Variants in ANKS1B observed in about 807,000 individuals in gnomAD.
ANKS1B encodes ankyrin repeat and sterile alpha motif domain-containing protein 1B.
ANKS1B carries 36 observed loss-of-function variants against 148.3 expected under a neutral mutation model. That is an observed-to-expected ratio of 0.24 (90% CI 0.19 to 0.32). ANKS1B has a LOEUF of 0.32. ANKS1B is among the 10% of genes least tolerant of loss of function. The probability of loss-of-function intolerance (pLI) is 1.00; values close to 1 mark genes in which losing one functional copy is unlikely to be tolerated. For synonymous variants in ANKS1B, 542 were observed against 560.8 expected, an observed-to-expected ratio of 0.97 and a Z score of 0.47; for missense variants, 1,157 against 1,542.6, an observed-to-expected ratio of 0.75 and a Z score of 4.19.
intron 8 of ANKS1B, among the ~76,000 whole-genome samples, chr12:99,682,821 G>C (rs945848468): frequency 2.5e-4 from 38 of 152,084 alleles, no homozygotes; most frequent in African/African-American, 8.2e-4. Context: ...GACATGAAAA[G>C]CTGGTTCTTG....
chr12:99,566,449 G>A (rs2097395212), intron 9 of ANKS1B, among the ~76,000 whole-genome samples: 1 of 152,120 alleles, frequency 6.6e-6, no homozygotes, highest in Non-Finnish European at 1.5e-5. Flanking sequence ...TAACAGCAGT[G>A]CTCTCAAAGT....
At chr12:99,702,681 C>T (rs1294038859) in intron 8 of ANKS1B, among the ~76,000 whole-genome samples, 6 of 144,688 alleles carry the variant, frequency 4.1e-5, no homozygotes, top group African/African-American at 1.3e-4. Context: ...TAGCTGGGAC[C>T]ATAGGCATGC....
chr12:99,064,623 T>C (rs957565864), intron 16 of ANKS1B, among the ~76,000 whole-genome samples: 2 of 152,238 alleles, frequency 1.3e-5, no homozygotes, highest in African/African-American at 4.8e-5. Context: ...TCAAGCCGTG[T>C]GTGAGAGCTA....
chr12:99,424,715 C>A (rs1257960793), intron 11 of ANKS1B, among the ~76,000 whole-genome samples: 1 of 151,756 alleles, frequency 6.6e-6, no homozygotes, highest in Non-Finnish European at 1.5e-5. Flanking sequence ...ATCTGTCTGT[C>A]TGTCTGTCTG....
At chr12:99,808,621 CT>C (rs772089365) in intron 3 of ANKS1B, among the ~76,000 whole-genome samples, 1 of 152,084 alleles carries the variant, frequency 6.6e-6, no homozygotes, top group Non-Finnish European at 1.5e-5. Flanking sequence ...CCCTGGTCTT[CT>C]TATCTGTTTT....
intron 8 of ANKS1B, among the ~76,000 whole-genome samples, chr12:99,747,266 C>G (rs572462037): frequency 2.0e-4 from 30 of 152,166 alleles, no homozygotes; most frequent in African/African-American, 7.2e-4. Context: ...TAAACTTATC[C>G]TCTTTCTAAC....
intron 12 of ANKS1B, among the ~76,000 whole-genome samples, chr12:99,331,452 A>G (rs2087540036): frequency 6.6e-6 from 1 of 151,974 alleles, no homozygotes; most frequent in Non-Finnish European, 1.5e-5. Flanking sequence ...TCTCTTCTAC[A>G]TTTGCTTTTC....
intron 15 of ANKS1B, among the ~76,000 whole-genome samples, chr12:99,132,475 C>T (rs924571469): frequency 3.5e-5 from 5 of 144,490 alleles, no homozygotes; most frequent in African/African-American, 7.9e-5. Context: ...ACCTTGTCCC[C>T]GCCTTCAAAA....
intron 17 of ANKS1B, among the ~76,000 whole-genome samples, chr12:99,027,654 G>A (rs2099949550): frequency 6.6e-6 from 1 of 152,188 alleles, no homozygotes; most frequent in Non-Finnish European, 1.5e-5. Context: ...GACTCACCCC[G>A]AAGGGTGCCA....
intron 17 of ANKS1B, among the ~76,000 whole-genome samples, chr12:98,987,669 T>C (rs2099924250): frequency 6.6e-6 from 1 of 152,112 alleles, no homozygotes; most frequent in South Asian, 2.1e-4. Context: ...CCCTGGATTA[T>C]AATGATTGAT....
At chr12:99,362,823 C>T (rs887236502) in intron 12 of ANKS1B, among the ~76,000 whole-genome samples, 48 of 152,064 alleles carry the variant, frequency 3.2e-4, no homozygotes, top group Admixed American at 1.2e-3. Context: ...CTAAAAGATA[C>T]ATTTTATCCC....
At chr12:99,037,817 G>A (rs539876349) in intron 17 of ANKS1B, among the ~76,000 whole-genome samples, 5 of 152,296 alleles carry the variant, frequency 3.3e-5, no homozygotes, top group African/African-American at 9.6e-5. Flanking sequence ...TGGGCAAGTT[G>A]TCAATCATTA....
At chr12:99,776,687 T>C (rs369830486) in intron 6 of ANKS1B, among the ~76,000 whole-genome samples, 1 of 119,780 alleles carries the variant, frequency 8.3e-6, no homozygotes, top group Non-Finnish European at 1.7e-5. Context: ...TTTTTGGTTG[T>C]TTGTTTGTTT....
intron 9 of ANKS1B, among the ~76,000 whole-genome samples, chr12:99,644,610 C>T (rs1441565298): frequency 2.0e-5 from 3 of 152,184 alleles, no homozygotes; most frequent in Admixed American, 1.3e-4. Context: ...ATTCCAAAGC[C>T]ATTTCTATAT....
chr12:99,848,401 A>G (rs2087075546), intron 1 of ANKS1B, among the ~76,000 whole-genome samples: 1 of 152,172 alleles, frequency 6.6e-6, no homozygotes, highest in Non-Finnish European at 1.5e-5. Context: ...TTGCAAAGAG[A>G]AAAAGCATTA....
At chr12:99,440,132 C>T (rs2095526139) in intron 11 of ANKS1B, among the ~76,000 whole-genome samples, 3 of 151,696 alleles carry the variant, frequency 2.0e-5, no homozygotes, top group Admixed American at 6.6e-5. Context: ...TTCTTGCCTC[C>T]AAGGCAGGAA....
intron 17 of ANKS1B, among the ~76,000 whole-genome samples, chr12:99,013,471 C>T (rs1247092499): frequency 6.6e-6 from 1 of 152,170 alleles, no homozygotes; most frequent in Non-Finnish European, 1.5e-5. Context: ...GATGCCCTCT[C>T]TTACCACTCC....
rs1472270433 is a variant in ANKS1B at position 98,802,991 on chromosome 12, T to A, written c.3142-1866A>T. Among the ~76,000 whole-genome samples, 4 of 152,178 alleles carry A rather than the reference T, an allele frequency of 2.6e-5. No homozygotes were observed. In the East Asian group the frequency reaches 7.7e-4, roughly 29 times the overall value. On this transcript the variant is annotated intron_variant, in intron 20 of 26. Coordinates refer to ENST00000683438, the MANE Select transcript of ANKS1B (RefSeq NM_001352186.2). ...GCATTTTTGTCTGTTTTATTATCCA[T>A]CCCTGACTCATTCTTGAGTTTTTCT...
chr12:99,724,695 A>C (rs191160815), intron 8 of ANKS1B, among the ~76,000 whole-genome samples: 1 of 152,236 alleles, frequency 6.6e-6, no homozygotes, highest in East Asian at 1.9e-4. Context: ...ACCCCAAGAC[A>C]CATAATCATT....
Sources: gnomAD v4.1 joint callset for allele counts (sites outside exome capture counted in the v4.1 genomes callset) on GRCh38, gnomAD v4.1.1 for gene constraint, MANE v1.5 for transcripts, NCBI Gene and HGNC (gene_info 2026-07-23, HGNC 2026-07-21) for gene names.